SEMA3D: variants seen among roughly 807,000 people sequenced by gnomAD.
SEMA3D encodes semaphorin-3D.
In SEMA3D, 84 loss-of-function variants were observed where a neutral mutation model predicts 100.1. That is an observed-to-expected ratio of 0.84 (90% CI 0.70 to 1.01). SEMA3D has a LOEUF of 1.01. SEMA3D is among the 50% of genes least tolerant of loss of function. SEMA3D has a pLI of 0.00. For synonymous variants in SEMA3D, 312 were observed against 320.7 expected (o/e 0.97, Z 0.29); for missense variants, 875 against 934.1 (o/e 0.94, Z 0.82).
intron 4 of SEMA3D, among the ~76,000 whole-genome samples, chr7:85,093,104 C>T (rs555564437): frequency 1.6e-4 from 25 of 151,966 alleles, no homozygotes; most frequent in Non-Finnish European, 3.4e-4. Context: ...TTTTATGTTT[C>T]CCTTGGGTTA....
chr7:85,068,126 G>T (rs536580116), intron 7 of SEMA3D, 65 bp downstream of exon 7: 2 of 925,542 alleles, frequency 2.2e-6, no homozygotes, highest in Admixed American at 1.9e-5. Context: ...GGAAAATGCG[G>T]TTCAGTCAAA....
chr7:85,178,197 C>A (rs748817696), intron 1 of SEMA3D, among the ~76,000 whole-genome samples: 2 of 152,188 alleles, frequency 1.3e-5, no homozygotes, highest in Non-Finnish European at 2.9e-5. Context: ...GGTATTTCTT[C>A]ACAGCAGCAT....
In SEMA3D at chr7:85,123,067, A is replaced by G. The variant is rs549658670; in HGVS notation, c.-40-1136T>C. 5.7e-4 allele frequency among the ~76,000 whole-genome samples: 87 copies of G among 152,292 alleles called. 1 individual carries two copies. Among genetic ancestry groups the G allele is most frequent in the African/African-American group, 2.0e-3 (85 of 41,572 alleles). On this transcript the variant is annotated intron_variant, in intron 2 of 18. Coordinates refer to ENST00000284136, the MANE Select transcript of SEMA3D (RefSeq NM_001384900.1). ...GGTGGGTAATTATTTATCTCACTTCACCGATGAAACAAAATTGAGGTACAG... is the reference window on the plus strand; with the variant it reads ...GGTGGGTAATTATTTATCTCACTTCGCCGATGAAACAAAATTGAGGTACAG...
chr7:85,092,809 C>T (rs1011222669), intron 4 of SEMA3D, among the ~76,000 whole-genome samples: 3 of 152,026 alleles, frequency 2.0e-5, no homozygotes, highest in South Asian at 2.1e-4. Flanking sequence ...AAGAGATTTG[C>T]AGCAGACCAG....
At chr7:85,081,431 C>G (rs906302862) in intron 5 of SEMA3D, 86 bp downstream of exon 5, 97 of 825,234 alleles carry the variant, frequency 1.2e-4, no homozygotes, top group Non-Finnish European at 1.9e-4. Flanking sequence ...ACACTAATAC[C>G]ATTAATTCAG....
chr7:85,223,973 G>T, the SEMA3D span, among the ~76,000 whole-genome samples: 1 of 151,864 alleles, frequency 6.6e-6, no homozygotes, highest in African/African-American at 2.4e-5. Context: ...GCAGGCAAAG[G>T]CAGACAGACA....
intron 1 of SEMA3D, among the ~76,000 whole-genome samples, chr7:85,176,430 G>C (rs1415107677): frequency 6.6e-6 from 1 of 152,090 alleles, no homozygotes; most frequent in Non-Finnish European, 1.5e-5. Flanking sequence ...TTCTTGAAAT[G>C]TGTTTTGTAT....
intron 1 of SEMA3D, chr7:85,167,432 T>C: frequency 4.1e-6 from 4 of 965,922 alleles, no homozygotes; most frequent in Non-Finnish European, 4.9e-6. Context: ...TTGAATGATA[T>C]AATTTACTGT....
At chr7:85,245,540 T>G in the SEMA3D span, among the ~76,000 whole-genome samples, 1 of 152,204 alleles carries the variant, frequency 6.6e-6, no homozygotes, top group Admixed American at 6.5e-5. Context: ...TACTTCACAT[T>G]AAATCAAGTT....
chr7:85,187,921 T>A (rs1022038998), upstream of SEMA3D, among the ~76,000 whole-genome samples: 3 of 152,172 alleles, frequency 2.0e-5, no homozygotes, highest in African/African-American at 7.2e-5. Flanking sequence ...TGTGATGGGA[T>A]ATCCAGGTTT....
chr7:85,099,393 T>C (rs1250127592), intron 3 of SEMA3D, among the ~76,000 whole-genome samples: 1 of 151,958 alleles, frequency 6.6e-6, no homozygotes, highest in African/African-American at 2.4e-5. Context: ...AGACAGGACT[T>C]TTGCCCTCTG....
At position 85,161,602 on chromosome 7, in the gene SEMA3D, T is replaced by C. The variant is rs145375787; in HGVS notation, c.-172-7863A>G. 2.5e-3 allele frequency among the ~76,000 whole-genome samples: 379 copies of C among 152,110 alleles called. 1 individual carries two copies. Among genetic ancestry groups the C allele is most frequent in the Non-Finnish European group, 3.6e-3 (245 of 68,002 alleles). The stretch of plus-strand genomic sequence containing the variant: ...AGAAGCAGGAAGAGAGGAAAACAAC[T>C]ACCATTCACGTAGGAGTGAGATGGC... On this transcript the variant is annotated intron_variant, in intron 1 of 18. Transcript: ENST00000284136.
chr7:85,242,260 C>A, the SEMA3D span, among the ~76,000 whole-genome samples: 2 of 152,062 alleles, frequency 1.3e-5, no homozygotes, highest in African/African-American at 4.8e-5. Context: ...CCTGGGTGGA[C>A]ACTTAGATTA....
the SEMA3D span, among the ~76,000 whole-genome samples, chr7:85,201,348 T>A: frequency 1.3e-5 from 2 of 152,272 alleles, no homozygotes; most frequent in South Asian, 4.1e-4. Context: ...GTCCATGCTG[T>A]GACTCTTCTC....
In SEMA3D at chr7:84,997,673, T is replaced by C. The variant is rs1056578978; in HGVS notation, c.*1767A>G. On this transcript the variant is annotated 3_prime_UTR_variant, in exon 19 of 19. Transcript: ENST00000284136. ...GCTCTCAACATAGAGCCACAGATCT[T>C]GCATTAAGTTGCCCTCTAATCACAG... The C allele has an allele frequency of 6.6e-6, 1 of 152,540 alleles. No homozygotes were observed. Among genetic ancestry groups the C allele is most frequent in the Admixed American group, 6.5e-5 (1 of 15,272 alleles). 9.4% of individuals were successfully genotyped at this position (152,540 alleles called of 1,614,324 possible).
chr7:85,081,409 C>A, intron 5 of SEMA3D, 108 bp downstream of exon 5: 1 of 670,868 alleles, frequency 1.5e-6, no homozygotes, highest in South Asian at 1.9e-5. Context: ...TTAGTTTAGT[C>A]TGAAAAATAA....
chr7:85,071,488 C>A (rs936468003), intron 6 of SEMA3D, among the ~76,000 whole-genome samples: 1 of 152,146 alleles, frequency 6.6e-6, no homozygotes, highest in African/African-American at 2.4e-5. Context: ...AGCGAATTAT[C>A]CTGCAAATAT....
intron 5 of SEMA3D, among the ~76,000 whole-genome samples, chr7:85,076,467 A>G (rs541831486): frequency 1.3e-5 from 2 of 152,348 alleles, no homozygotes; most frequent in South Asian, 4.1e-4. Context: ...TTAGAATTTT[A>G]GTTTCTCCCC....
At chr7:85,039,969 CTTTTTTTT>C (rs776990536) in intron 11 of SEMA3D, among the ~76,000 whole-genome samples, 4 of 90,628 alleles carry the variant, frequency 4.4e-5, no homozygotes, top group South Asian at 3.5e-4. Context: ...TACGCAAACA[CTTTTTTTT>C]TTTTTTTTTT....
Sources: allele counts gnomAD v4.1 joint callset (sites outside exome capture counted in the v4.1 genomes callset), GRCh38; gene constraint gnomAD v4.1.1; transcripts MANE v1.5; gene names NCBI Gene and HGNC (gene_info 2026-07-23, HGNC 2026-07-21).